Variants in HGSNAT observed in about 807,000 individuals in gnomAD.
HGSNAT encodes the protein transmembrane protein 76.
In HGSNAT, 59 loss-of-function variants were observed where a neutral mutation model predicts 85.2. The ratio of observed to expected loss-of-function variants is 0.69; its 90% CI spans 0.56 to 0.86. The LOEUF is 0.86. Ranked by LOEUF, HGSNAT falls within the 40% of genes least tolerant of loss-of-function variation. The probability of loss-of-function intolerance (pLI) is 0.00; values close to 1 mark genes in which losing one functional copy is unlikely to be tolerated. For synonymous variants in HGSNAT, 321 were observed against 304.5 expected, an observed-to-expected ratio of 1.05 and a Z score of -0.56; for missense variants, 756 against 777.1, an observed-to-expected ratio of 0.97 and a Z score of 0.32.
intron 5 of HGSNAT, among the ~76,000 whole-genome samples, chr8:43,168,384 CTTTTT>C (rs34270087): frequency 1.4e-5 from 1 of 70,224 alleles, no homozygotes; most frequent in Non-Finnish European, 2.3e-5. Flanking sequence ...AATAGTTGAT[CTTTTT>C]TTTTTTTTTT....
In HGSNAT at chr8:43,150,241, C is replaced by A. The variant is rs527608190; in HGVS notation, c.234+3178C>A. Among the ~76,000 whole-genome samples the A allele has an allele frequency of 2.5e-3, 381 of 152,224 alleles. 2 individuals are homozygous for A. The highest frequency in any genetic ancestry group is 0.011 in the South Asian group (53 of 4,820). On this transcript the variant is annotated intron_variant, in intron 2 of 17. Transcript: ENST00000379644. ...GTGCTGGGATTACCGACGTGAGCCA[C>A]CGCGCCTGGCCAACATTTAGTTTTT...
intron 1 of HGSNAT, among the ~76,000 whole-genome samples, chr8:43,141,577 C>T (rs1802547045): frequency 6.6e-6 from 1 of 151,980 alleles, no homozygotes; most frequent in Non-Finnish European, 1.5e-5. Context: ...GTAGGAGGGA[C>T]GGTGGGAGTC....
chr8:43,159,932 C>A (rs1803218423), intron 4 of HGSNAT, among the ~76,000 whole-genome samples: 2 of 152,146 alleles, frequency 1.3e-5, no homozygotes, highest in Admixed American at 1.3e-4. Flanking sequence ...CACAGGGAAG[C>A]TATTAAAGAC....
chr8:43,161,018 A>G (rs1803250322), intron 4 of HGSNAT, among the ~76,000 whole-genome samples: 1 of 152,204 alleles, frequency 6.6e-6, no homozygotes, highest in Non-Finnish European at 1.5e-5. Context: ...GCCTTGTGTG[A>G]GGAGGCACAC....
intron 10 of HGSNAT, chr8:43,181,746 G>C (rs1488917384): frequency 1.6e-5 from 3 of 184,018 alleles, no homozygotes; most frequent in African/African-American, 4.7e-5. Flanking sequence ...GGCAGGGAGA[G>C]TGGCTTGTGT....
chr8:43,167,793 G>T, intron 5 of HGSNAT: 1 of 193,026 alleles, frequency 5.2e-6, no homozygotes, highest in South Asian at 6.2e-5. Context: ...GCCAGGGTAG[G>T]GTATACTTTT....
chr8:43,184,688 G>A (rs1329227902), intron 11 of HGSNAT, among the ~76,000 whole-genome samples: 2 of 152,180 alleles, frequency 1.3e-5, no homozygotes, highest in Non-Finnish European at 2.9e-5. Context: ...TGCTTTTGGT[G>A]TTTTAGACGT....
chr8:43,198,167 G>T (rs375800318), intron 17 of HGSNAT, among the ~76,000 whole-genome samples: 3 of 151,758 alleles, frequency 2.0e-5, no homozygotes, highest in African/African-American at 2.4e-5. Context: ...CATTTTCACC[G>T]TGTAGGTTGT....
At chr8:43,153,953 G>A (rs1438776142) in intron 2 of HGSNAT, among the ~76,000 whole-genome samples, 1 of 152,192 alleles carries the variant, frequency 6.6e-6, no homozygotes, top group Non-Finnish European at 1.5e-5. Context: ...TCGGTTGATG[G>A]ATAGTTAGGT....
intron 2 of HGSNAT, among the ~76,000 whole-genome samples, chr8:43,147,746 T>G (rs1428557503): frequency 6.6e-6 from 1 of 152,098 alleles, no homozygotes; most frequent in Non-Finnish European, 1.5e-5. Flanking sequence ...TAGGGACTAT[T>G]TGGGCTGCAG....
chr8:43,146,965 C>T lies in HGSNAT; in HGVS notation c.136C>T (p.His46Tyr), dbSNP rs1802737109. 1.3e-6 allele frequency: 2 copies of T among 1,581,422 alleles called. No homozygotes were observed. Among genetic ancestry groups the T allele is most frequent in the Non-Finnish European group, 1.7e-6 (2 of 1,162,392 alleles). The stretch of plus-strand genomic sequence containing the variant: ...TCTACCAGACTTAGACAAAAAAAGA[C>T]ATGCAGAGCTGAAGATGGATCAGGC... ...APPRDLDKKRHAELKMDQALL... is the reference protein window; with the variant it reads ...APPRDLDKKRYAELKMDQALL... Residue 46 changes from histidine (H) to tyrosine (Y), a missense_variant, in exon 2 of 18, where the codon CAT becomes TAT. His to Tyr is a moderately conservative substitution (Grantham distance 83, BLOSUM62 2). Coordinates refer to ENST00000379644, the MANE Select transcript of HGSNAT (RefSeq NM_152419.3).
intron 2 of HGSNAT, among the ~76,000 whole-genome samples, chr8:43,152,633 T>G (rs933993204): frequency 6.6e-6 from 1 of 152,062 alleles, no homozygotes; most frequent in African/African-American, 2.4e-5. Flanking sequence ...TATTTAAAAA[T>G]TTTTGTGGAG....
chr8:43,193,374 T>G (rs1804605792), intron 13 of HGSNAT, among the ~76,000 whole-genome samples: 1 of 152,252 alleles, frequency 6.6e-6, no homozygotes, highest in Non-Finnish European at 1.5e-5. Flanking sequence ...AGGAAGCTGT[T>G]GTTGCTACAG....
chr8:43,147,726 C>T (rs1323165281), intron 2 of HGSNAT, among the ~76,000 whole-genome samples: 2 of 152,078 alleles, frequency 1.3e-5, no homozygotes, highest in African/African-American at 4.8e-5. Context: ...AAGGTGGGAA[C>T]AGGAGACACT....
chr8:43,162,762 G>T (rs1277496194), intron 5 of HGSNAT, among the ~76,000 whole-genome samples: 1 of 151,732 alleles, frequency 6.6e-6, no homozygotes, highest in Non-Finnish European at 1.5e-5. Flanking sequence ...TGGAGACGGG[G>T]TCTTGATATG....
chr8:43,166,543 G>A (rs1282762419), intron 5 of HGSNAT, among the ~76,000 whole-genome samples: 2 of 152,140 alleles, frequency 1.3e-5, no homozygotes, highest in Non-Finnish European at 2.9e-5. Context: ...TTTACAGCGT[G>A]GCTTACTGAC....
chr8:43,178,658 G>A (rs1157717299), intron 10 of HGSNAT, among the ~76,000 whole-genome samples: 2 of 143,856 alleles, frequency 1.4e-5, no homozygotes, highest in Admixed American at 6.8e-5. Flanking sequence ...TGGGTGTTGG[G>A]ATTTGGCAGG....
intron 4 of HGSNAT, among the ~76,000 whole-genome samples, chr8:43,159,338 A>G (rs940454982): frequency 1.3e-5 from 2 of 152,214 alleles, no homozygotes; most frequent in Non-Finnish European, 2.9e-5. Context: ...TTGTAATCCC[A>G]GCACTTTGGG....
chr8:43,194,115 T>C (rs962342832), intron 14 of HGSNAT: 22 of 1,201,272 alleles, frequency 1.8e-5, no homozygotes, highest in Non-Finnish European at 2.1e-5. Context: ...AGGTTTCCCT[T>C]GCCAAGCTGC....
Sources: allele counts gnomAD v4.1 joint callset (sites outside exome capture counted in the v4.1 genomes callset), GRCh38; gene constraint gnomAD v4.1.1; transcripts MANE v1.5; gene names NCBI Gene and HGNC (gene_info 2026-07-23, HGNC 2026-07-21).